LPP: variants seen among roughly 807,000 people sequenced by gnomAD.
LPP encodes LIM domain containing preferred translocation partner in lipoma.
LPP carries 38 observed loss-of-function variants against 60.4 expected under a neutral mutation model. The observed-to-expected ratio is 0.63, with a 90% CI of 0.49 to 0.83. LPP has a LOEUF of 0.83. LPP is among the 40% of genes least tolerant of loss of function. The probability of loss-of-function intolerance (pLI) is 0.00; values close to 1 mark genes in which losing one functional copy is unlikely to be tolerated. For missense variants in LPP, 902 were observed against 783.6 expected, an observed-to-expected ratio of 1.15 and a Z score of -1.80; for synonymous variants, 328 against 290.8, an observed-to-expected ratio of 1.13 and a Z score of -1.30.
At chr3:188,761,648 T>G (rs1448700085) in intron 9 of LPP, among the ~76,000 whole-genome samples, 2 of 152,220 alleles carry the variant, frequency 1.3e-5, no homozygotes, top group African/African-American at 4.8e-5. Flanking sequence ...TTATTCACGC[T>G]CCACAGTCTT....
intron 7 of LPP, chr3:188,688,766 G>A (rs1207205043): frequency 9.8e-6 from 5 of 511,886 alleles, no homozygotes; most frequent in African/African-American, 5.9e-5. Context: ...GAAGATACAA[G>A]AAAAAATTTA....
At chr3:188,848,251 A>G (rs28771975) in intron 9 of LPP, among the ~76,000 whole-genome samples, 13,622 of 152,252 alleles carry the variant, frequency 0.089, 721 homozygotes, top group African/African-American at 0.14. Context: ...TGTGAAAACC[A>G]TAAGAGCCTC....
chr3:188,366,086 C>T (rs1412194079), intron 3 of LPP, among the ~76,000 whole-genome samples: 1 of 152,182 alleles, frequency 6.6e-6, no homozygotes, highest in East Asian at 1.9e-4. Flanking sequence ...TGCTCTGCTT[C>T]TATGTGTTTG....
intron 8 of LPP, chr3:188,743,677 G>T (rs1408461204): frequency 4.6e-5 from 7 of 152,074 alleles, no homozygotes; most frequent in African/African-American, 1.7e-4. Flanking sequence ...CCTTAAAAAG[G>T]CAGTGTACTC....
Position 188,524,900 on chromosome 3 carries a change from C to T in LPP, c.429+113C>T, listed in dbSNP as rs1346117623. On this transcript the variant is annotated intron_variant, in intron 6 of 11. Coordinates refer to ENST00000617246, the MANE Select transcript of LPP (RefSeq NM_001375462.1). The stretch of plus-strand genomic sequence containing the variant: ...TTCCCCTTCCTTCCTTCCGTCCGTC[C>T]TTCCTTCCTTCCTTCCTTCCTTCCT... 10 of 191,272 alleles carry T rather than the reference C, an allele frequency of 5.2e-5. No individual in the cohort carries two copies. In the African/African-American group the frequency reaches 5.2e-4, roughly 10 times the overall value. 11.8% of individuals were successfully genotyped at this position (191,272 alleles called of 1,614,324 possible).
intron 9 of LPP, among the ~76,000 whole-genome samples, chr3:188,808,465 C>T (rs1476766676): frequency 6.6e-6 from 1 of 151,994 alleles, no homozygotes; most frequent in Non-Finnish European, 1.5e-5. Context: ...TATTCTTTTC[C>T]CCTACCTATG....
Position 188,748,266 on chromosome 3 carries a change from T to A in LPP, c.1241-11847T>A, listed in dbSNP as rs534190740. 5.3e-5 allele frequency among the ~76,000 whole-genome samples: 8 copies of A among 152,280 alleles called. No homozygotes were observed. In the South Asian group the frequency reaches 1.7e-3, roughly 32 times the overall value. ...ATATACACACACACACATACATATA[T>A]ACACATACATACATATATATATGAA... On this transcript the variant is annotated intron_variant, in intron 8 of 11. Coordinates refer to ENST00000617246, the MANE Select transcript of LPP (RefSeq NM_001375462.1).
In LPP at chr3:188,879,287, C is replaced by G. The variant is rs1407520701; in HGVS notation, c.*4808C>G. 1 of 228,530 alleles carries G rather than the reference C, an allele frequency of 4.4e-6. No homozygotes were observed. The highest frequency in any genetic ancestry group is 2.2e-5 in the African/African-American group (1 of 45,098). 14.2% of individuals were successfully genotyped at this position (228,530 alleles called of 1,614,324 possible). On this transcript the variant is annotated 3_prime_UTR_variant, in exon 12 of 12. Coordinates refer to ENST00000617246, the MANE Select transcript of LPP (RefSeq NM_001375462.1). ...TCCTTTCTTCCTCTTCCTTCCTCCT[C>G]TTCTTATTTTCTTTCCTACTTTCCA...
intron 3 of LPP, among the ~76,000 whole-genome samples, chr3:188,369,298 T>G (rs2151040073): frequency 6.6e-6 from 1 of 152,240 alleles, no homozygotes; most frequent in South Asian, 2.1e-4. Context: ...GGAAAGTTTT[T>G]TTTTTTTTAA....
intron 3 of LPP, among the ~76,000 whole-genome samples, chr3:188,345,112 G>T: frequency 6.6e-6 from 1 of 152,154 alleles, no homozygotes; most frequent in East Asian, 1.9e-4. Context: ...ACTGATCTTG[G>T]ACTAGAATTC....
rs185403218 is a variant in LPP at position 188,820,810 on chromosome 3, G to A, written c.1411-45390G>A. Among the ~76,000 whole-genome samples, 924 of 152,096 alleles carry A rather than the reference G, an allele frequency of 6.1e-3. 4 individuals carry two copies. Among genetic ancestry groups the A allele is most frequent in the Non-Finnish European group, 9.3e-3 (634 of 67,974 alleles). On this transcript the variant is annotated intron_variant, in intron 9 of 11. Transcript: ENST00000617246. ...AGACTACTTCACTGAGTTCACCACCGAAATGTTTTCACAAAATCAGCATCG... is the reference window on the plus strand; with the variant it reads ...AGACTACTTCACTGAGTTCACCACCAAAATGTTTTCACAAAATCAGCATCG...
chr3:188,244,549 C>T (rs1726177644), intron 2 of LPP, among the ~76,000 whole-genome samples: 1 of 152,202 alleles, frequency 6.6e-6, no homozygotes, highest in South Asian at 2.1e-4. Flanking sequence ...GACTATGCCT[C>T]TCCTTCAAGA....
chr3:188,196,880 A>T (rs554029788), intron 1 of LPP, among the ~76,000 whole-genome samples: 1 of 152,146 alleles, frequency 6.6e-6, no homozygotes, highest in African/African-American at 2.4e-5. Context: ...CTGAAACACC[A>T]TTGCCCACTC....
chr3:188,396,243 C>T (rs1396713243), intron 3 of LPP, among the ~76,000 whole-genome samples: 1 of 152,142 alleles, frequency 6.6e-6, no homozygotes, highest in African/African-American at 2.4e-5. Flanking sequence ...TTAAGAATTT[C>T]TACTTTTTCA....
intron 10 of LPP, 91 bp from the exon 11 acceptor site, chr3:188,872,552 G>A (rs764339035): frequency 4.9e-6 from 7 of 1,432,470 alleles, no homozygotes; most frequent in African/African-American, 1.4e-5. Flanking sequence ...CAGGTATACC[G>A]ACTCTCAGTT....
At chr3:188,829,758 C>CAGTAG (rs1756632179) in intron 9 of LPP, among the ~76,000 whole-genome samples, 1 of 152,112 alleles carries the variant, frequency 6.6e-6, no homozygotes, top group African/African-American at 2.4e-5. Context: ...GAGTCCTCAC[C>CAGTAG]CCAGCTTGGC....
intron 3 of LPP, among the ~76,000 whole-genome samples, chr3:188,376,168 A>C (rs1262106045): frequency 6.6e-6 from 1 of 152,046 alleles, no homozygotes; most frequent in Non-Finnish European, 1.5e-5. Flanking sequence ...GTGCTGAAAA[A>C]AATGTGTATT....
At chr3:188,468,082 C>T (rs1800918723) in intron 4 of LPP, among the ~76,000 whole-genome samples, 1 of 152,046 alleles carries the variant, frequency 6.6e-6, no homozygotes, top group Non-Finnish European at 1.5e-5. Context: ...TCATTTTAGT[C>T]CATTTCCATA....
chr3:188,716,799 G>A (rs1304718004), intron 8 of LPP, among the ~76,000 whole-genome samples: 1 of 152,122 alleles, frequency 6.6e-6, no homozygotes, highest in Admixed American at 6.5e-5. Context: ...GCAACTGATG[G>A]ATGATTAGAT....
Sources: allele counts gnomAD v4.1 joint callset (sites outside exome capture counted in the v4.1 genomes callset), GRCh38; gene constraint gnomAD v4.1.1; transcripts MANE v1.5; gene names NCBI Gene and HGNC (gene_info 2026-07-23, HGNC 2026-07-21).